PARM1: variants seen among roughly 807,000 people sequenced by gnomAD.
PARM1 encodes prostate androgen-regulated mucin-like protein 1, also known as WSC4, cell wall integrity and stress response component 4 homolog.
In PARM1, 14 loss-of-function variants were observed where a neutral mutation model predicts 24.6. That is an observed-to-expected ratio of 0.57 (90% CI 0.38 to 0.89). PARM1 has a LOEUF of 0.89. Among genes scored for constraint, PARM1 ranks in the 40% least tolerant of loss-of-function variants. The probability of loss-of-function intolerance (pLI) is 0.00; values close to 1 mark genes in which losing one functional copy is unlikely to be tolerated. For missense variants in PARM1, 362 were observed against 380.4 expected, an observed-to-expected ratio of 0.95 and a Z score of 0.40; for synonymous variants, 179 against 156.6, an observed-to-expected ratio of 1.14 and a Z score of -1.07.
intron 3 of PARM1, among the ~76,000 whole-genome samples, chr4:75,034,991 A>T (rs186421894): frequency 2.4e-4 from 37 of 152,292 alleles, no homozygotes; most frequent in African/African-American, 7.2e-4. Context: ...TGAACTTCAG[A>T]AACTCCAGCT....
chr4:74,963,034 G>T (rs558376870), intron 1 of PARM1, among the ~76,000 whole-genome samples: 1 of 152,118 alleles, frequency 6.6e-6, no homozygotes, highest in Admixed American at 6.6e-5. Context: ...TTTTATAAGC[G>T]TCTGGCATTT....
chr4:75,037,237 G>A (rs1723389801), intron 3 of PARM1, among the ~76,000 whole-genome samples: 1 of 152,140 alleles, frequency 6.6e-6, no homozygotes, highest in Non-Finnish European at 1.5e-5. Context: ...TCTGTTTTCT[G>A]TGGTCTTTTA....
chr4:75,015,008 T>A (rs28582004), intron 2 of PARM1, among the ~76,000 whole-genome samples: 1 of 152,042 alleles, frequency 6.6e-6, no homozygotes, highest in African/African-American at 2.4e-5. Context: ...GTGACCACAT[T>A]TTTTTTCTTT....
intron 1 of PARM1, among the ~76,000 whole-genome samples, chr4:74,941,283 A>G (rs772916983): frequency 7.9e-5 from 12 of 152,210 alleles, no homozygotes; most frequent in Admixed American, 3.9e-4. Context: ...AATATTCATC[A>G]TTTACATGCT....
At chr4:74,949,033 AAAAAC>A (rs1406894477) in intron 1 of PARM1, among the ~76,000 whole-genome samples, 1 of 152,122 alleles carries the variant, frequency 6.6e-6, no homozygotes, top group Non-Finnish European at 1.5e-5. Context: ...AAAAAAAACA[AAAAAC>A]AAAAACAAAC....
chr4:74,997,313 T>A (rs1046039431), intron 1 of PARM1, among the ~76,000 whole-genome samples: 4 of 152,152 alleles, frequency 2.6e-5, no homozygotes, highest in African/African-American at 9.7e-5. Flanking sequence ...ATGTGCACAT[T>A]TGGCTGGACA....
At chr4:74,971,447 G>C (rs1052681078) in intron 1 of PARM1, among the ~76,000 whole-genome samples, 3 of 151,980 alleles carry the variant, frequency 2.0e-5, no homozygotes, top group Non-Finnish European at 2.9e-5. Flanking sequence ...AATCATATCA[G>C]ATTTTTTTTT....
rs73828406 is a variant in PARM1 at position 75,012,069 on chromosome 4, C to T, written c.44-356C>T. The stretch of plus-strand genomic sequence containing the variant: ...TACAGGAGCTGTGGAGTTGGCTGCT[C>T]GGCAGTCCAGACAAGTTCCCATAAA... On this transcript the variant is annotated intron_variant, in intron 1 of 3. Coordinates refer to ENST00000307428, the MANE Select transcript of PARM1 (RefSeq NM_015393.4). Among the ~76,000 whole-genome samples, 102 of 152,252 alleles carry T rather than the reference C, an allele frequency of 6.7e-4. 1 individual carries two copies. Among genetic ancestry groups the T allele is most frequent in the African/African-American group, 2.3e-3 (94 of 41,562 alleles).
At chr4:74,965,775 G>A (rs1435211633) in intron 1 of PARM1, among the ~76,000 whole-genome samples, 2 of 152,128 alleles carry the variant, frequency 1.3e-5, no homozygotes, top group Non-Finnish European at 2.9e-5. Context: ...ATTCTCCCCA[G>A]TACCTCACCA....
At chr4:75,032,507 A>T (rs1723293049) in intron 2 of PARM1, among the ~76,000 whole-genome samples, 1 of 152,214 alleles carries the variant, frequency 6.6e-6, no homozygotes, top group African/African-American at 2.4e-5. Context: ...ATCTACAGTG[A>T]TAAATCTCCA....
chr4:75,009,828 C>T (rs1722839141), intron 1 of PARM1, among the ~76,000 whole-genome samples: 1 of 152,106 alleles, frequency 6.6e-6, no homozygotes, highest in Non-Finnish European at 1.5e-5. Flanking sequence ...GTCACTGTGC[C>T]CTCATTGAGC....
At chr4:75,038,101 G>A (rs754696543) in intron 3 of PARM1, among the ~76,000 whole-genome samples, 61 of 152,260 alleles carry the variant, frequency 4.0e-4, no homozygotes, top group Non-Finnish European at 6.5e-4. Context: ...ATTTTTAGTA[G>A]AGACGGGGTT....
intron 1 of PARM1, among the ~76,000 whole-genome samples, chr4:74,943,295 G>A (rs1721349676): frequency 6.6e-6 from 1 of 152,122 alleles, no homozygotes; most frequent in Non-Finnish European, 1.5e-5. Flanking sequence ...CTTGTTTGCT[G>A]TGGTATCCCA....
rs376452315 is a variant in PARM1 at position 74,986,921 on chromosome 4, AGTCAG to A, written c.44-25498_44-25494del. ...ATGTCAGTCAAAAATTGGGCTCTGG[AGTCAG>A]GTCAGACAACTAGATTCACACCCCG... On this transcript the variant is annotated intron_variant, in intron 1 of 3. Coordinates refer to ENST00000307428, the MANE Select transcript of PARM1 (RefSeq NM_015393.4). Among the ~76,000 whole-genome samples, 509 of 152,176 alleles carry A rather than the reference AGTCAG, an allele frequency of 3.3e-3. 6 individuals are homozygous for A. Among genetic ancestry groups the A allele is most frequent in the African/African-American group, 0.011 (474 of 41,514 alleles).
At chr4:75,044,394 T>A (rs1404960808) in intron 3 of PARM1, among the ~76,000 whole-genome samples, 1 of 152,226 alleles carries the variant, frequency 6.6e-6, no homozygotes, top group Non-Finnish European at 1.5e-5. Context: ...GGAGCTCCCG[T>A]CTTATGAACA....
At chr4:74,985,602 T>C (rs1722339066) in intron 1 of PARM1, among the ~76,000 whole-genome samples, 1 of 152,156 alleles carries the variant, frequency 6.6e-6, no homozygotes, top group South Asian at 2.1e-4. Flanking sequence ...TGCCCAATGT[T>C]GCAAAGCTAG....
Position 74,967,604 on chromosome 4 carries a change from T to C in PARM1, c.43+34234T>C, listed in dbSNP as rs74840123. On this transcript the variant is annotated intron_variant, in intron 1 of 3. Coordinates refer to ENST00000307428, the MANE Select transcript of PARM1 (RefSeq NM_015393.4). ...CAAAGTTGGTTGGGCTTTTTTGTTT[T>C]GTTTTGTTTCAGTTCCAAAAAAAAT... 21 of 152,332 alleles carry C rather than the reference T, an allele frequency of 1.4e-4. No homozygotes were observed. In the East Asian group the frequency reaches 3.3e-3, roughly 24 times the overall value. The allele number at this position is 152,332 out of a possible 1,614,324, so 9.4% of individuals were successfully genotyped here. A position where few individuals can be genotyped will look rare whatever the true frequency, so the allele number is the denominator to read the frequency against.
At chr4:75,014,211 GT>G (rs1036363881) in intron 2 of PARM1, among the ~76,000 whole-genome samples, 3 of 152,204 alleles carry the variant, frequency 2.0e-5, no homozygotes, top group African/African-American at 7.2e-5. Flanking sequence ...CTGCTTGACA[GT>G]GGAGGTAGGA....
At chr4:74,948,600 G>A (rs1024261080) in intron 1 of PARM1, among the ~76,000 whole-genome samples, 7 of 152,132 alleles carry the variant, frequency 4.6e-5, no homozygotes, top group African/African-American at 1.7e-4. Context: ...ATCAGGAATC[G>A]CACAGTGAGA....
Sources: allele counts gnomAD v4.1 joint callset (sites outside exome capture counted in the v4.1 genomes callset), GRCh38; gene constraint gnomAD v4.1.1; transcripts MANE v1.5; gene names NCBI Gene and HGNC (gene_info 2026-07-23, HGNC 2026-07-21).